The following PLXNA2 variants were observed in gnomAD, a reference collection of about 807,000 sequenced individuals.
The protein encoded by PLXNA2 is plexin-A2.
In PLXNA2, 91 loss-of-function variants were observed where a neutral mutation model predicts 193.5. The ratio of observed to expected loss-of-function variants is 0.47; its 90% CI spans 0.40 to 0.56. PLXNA2 has a LOEUF of 0.56. Ranked by LOEUF, PLXNA2 falls within the 20% of genes least tolerant of loss-of-function variation. The probability of loss-of-function intolerance (pLI) is 0.00; values close to 1 mark genes in which losing one functional copy is unlikely to be tolerated. For synonymous variants in PLXNA2, 997 were observed against 1,027.3 expected (o/e 0.97, Z 0.56); for missense variants, 1,995 against 2,503.2 (o/e 0.80, Z 4.33).
intron 26 of PLXNA2, among the ~76,000 whole-genome samples, chr1:208,037,126 C>T (rs1038087550): frequency 8.5e-5 from 13 of 152,118 alleles, no homozygotes; most frequent in Admixed American, 2.6e-4. Flanking sequence ...CTCACACTTT[C>T]GCAAGTCAGG....
chr1:208,204,381 T>C (rs919963871), intron 3 of PLXNA2, among the ~76,000 whole-genome samples: 1 of 152,210 alleles, frequency 6.6e-6, no homozygotes, highest in African/African-American at 2.4e-5. Context: ...GTGTAAATGC[T>C]GTCCCCTTCC....
chr1:208,168,723 GGTT>G (rs1217466188), intron 3 of PLXNA2, among the ~76,000 whole-genome samples: 3,230 of 102,168 alleles, frequency 0.032, 460 homozygotes, highest in African/African-American at 0.1. Flanking sequence ...GAGTATGCGG[GGTT>G]TTTTTTTTTT....
intron 12 of PLXNA2, among the ~76,000 whole-genome samples, chr1:208,073,290 C>T (rs1258133459): frequency 1.3e-5 from 2 of 152,184 alleles, no homozygotes; most frequent in African/African-American, 4.8e-5. Flanking sequence ...TTCAGTCCTT[C>T]TACACAGGAC....
chr1:208,052,917 C>T (rs1571865375), intron 14 of PLXNA2, among the ~76,000 whole-genome samples: 1 of 151,716 alleles, frequency 6.6e-6, no homozygotes, highest in African/African-American at 2.4e-5. Context: ...ATGCACATGC[C>T]CTTCTGTCCT....
chr1:208,205,514 T>C (rs749098340), intron 3 of PLXNA2, among the ~76,000 whole-genome samples: 3 of 152,178 alleles, frequency 2.0e-5, no homozygotes, highest in Non-Finnish European at 4.4e-5. Flanking sequence ...ACCAGCCTCA[T>C]TCCAAAGCCC....
intron 3 of PLXNA2, among the ~76,000 whole-genome samples, chr1:208,145,004 G>A (rs1262011657): frequency 1.3e-5 from 2 of 152,072 alleles, no homozygotes; most frequent in African/African-American, 4.8e-5. Flanking sequence ...CAGTTAAAAT[G>A]GTTCTCCTTG....
chr1:208,115,867 A>C (rs1667623603), intron 4 of PLXNA2, among the ~76,000 whole-genome samples: 1 of 152,226 alleles, frequency 6.6e-6, no homozygotes, highest in Non-Finnish European at 1.5e-5. Context: ...ATAATACAAA[A>C]CACAGTTTCT....
At chr1:208,195,625 G>T (rs576833892) in intron 3 of PLXNA2, among the ~76,000 whole-genome samples, 25 of 127,710 alleles carry the variant, frequency 2.0e-4, no homozygotes, top group African/African-American at 7.3e-4. Context: ...TTCCAGAAAT[G>T]AAAAGGATAG....
chr1:208,071,814 A>G (rs993542006), intron 12 of PLXNA2, among the ~76,000 whole-genome samples: 1 of 152,240 alleles, frequency 6.6e-6, no homozygotes, highest in Non-Finnish European at 1.5e-5. Context: ...GTTTCTCAGG[A>G]AAGCTGGCTG....
At chr1:208,175,741 G>A (rs928413184) in intron 3 of PLXNA2, among the ~76,000 whole-genome samples, 5 of 152,224 alleles carry the variant, frequency 3.3e-5, no homozygotes, top group Non-Finnish European at 1.5e-5. Context: ...CATAGCCCCA[G>A]GGAGCAACAA....
intron 3 of PLXNA2, among the ~76,000 whole-genome samples, chr1:208,203,164 G>C (rs1046775788): frequency 3.3e-5 from 5 of 152,166 alleles, no homozygotes; most frequent in East Asian, 1.9e-4. Flanking sequence ...GCCTTTCCCA[G>C]CTTTCAGAAG....
intron 22 of PLXNA2, among the ~76,000 whole-genome samples, chr1:208,040,937 AG>A (rs1440595169): frequency 2.0e-5 from 3 of 152,202 alleles, no homozygotes; most frequent in Non-Finnish European, 4.4e-5. Flanking sequence ...GGGATGCCGG[AG>A]GGGTATTTTA....
intron 6 of PLXNA2, among the ~76,000 whole-genome samples, chr1:208,098,454 T>TCACACACACA (rs1310601677): frequency 0.034 from 3,563 of 105,538 alleles, 65 homozygotes; most frequent in East Asian, 0.13. Flanking sequence ...TCTCTCTCTC[T>TCACACACACA]CTCTCACACA....
At chr1:208,215,469 T>G (rs1378354943) in intron 2 of PLXNA2, among the ~76,000 whole-genome samples, 1 of 151,396 alleles carries the variant, frequency 6.6e-6, no homozygotes, top group Admixed American at 6.6e-5. Context: ...GGATGATGGA[T>G]AGATAAAGAT....
chr1:208,068,850 G>A (rs947091313), intron 12 of PLXNA2, among the ~76,000 whole-genome samples: 1 of 152,198 alleles, frequency 6.6e-6, no homozygotes, highest in Admixed American at 6.5e-5. Flanking sequence ...TTTGTATACA[G>A]CAAGTACGGA....
chr1:208,068,363 C>T (rs545703172), intron 12 of PLXNA2, among the ~76,000 whole-genome samples: 11 of 152,260 alleles, frequency 7.2e-5, no homozygotes, highest in African/African-American at 2.6e-4. Context: ...TGCAATCTCC[C>T]TTGCTTTAAT....
chr1:208,159,349 T>A (rs1340300509), intron 3 of PLXNA2, among the ~76,000 whole-genome samples: 2 of 152,230 alleles, frequency 1.3e-5, no homozygotes, highest in Non-Finnish European at 2.9e-5. Context: ...TGGGGGGAAG[T>A]ACCTTCCCAT....
chr1:208,045,473 G>A (rs1665029601), intron 18 of PLXNA2, among the ~76,000 whole-genome samples: 1 of 152,142 alleles, frequency 6.6e-6, no homozygotes, highest in African/African-American at 2.4e-5. Context: ...AGAAAATTTT[G>A]GGGGAGGATG....
intron 17 of PLXNA2, among the ~76,000 whole-genome samples, chr1:208,049,575 T>C (rs1299089549): frequency 2.0e-5 from 3 of 152,216 alleles, no homozygotes; most frequent in Middle Eastern, 3.2e-3. Context: ...AGGATGGTAA[T>C]GTCAAGCCCA....
Sources: allele counts gnomAD v4.1 joint callset (sites outside exome capture counted in the v4.1 genomes callset), GRCh38; gene constraint gnomAD v4.1.1; transcripts MANE v1.5; gene names NCBI Gene and HGNC (gene_info 2026-07-23, HGNC 2026-07-21).